The following TTYH1 variants were observed in gnomAD, a reference collection of about 807,000 sequenced individuals.
The protein encoded by TTYH1 is protein tweety homolog 1.
Under a neutral mutation model 61.2 loss-of-function variants are expected in TTYH1, and 33 were observed. That is an observed-to-expected ratio of 0.54 (90% CI 0.41 to 0.72). The LOEUF is 0.72. Among genes scored for constraint, TTYH1 ranks in the 30% least tolerant of loss-of-function variants. The probability of loss-of-function intolerance (pLI) is 0.00; values close to 1 mark genes in which losing one functional copy is unlikely to be tolerated. For missense variants in TTYH1, 538 were observed against 575.8 expected (o/e 0.93, Z 0.67); for synonymous variants, 308 against 266.4 (o/e 1.16, Z -1.52).
intron 10 of TTYH1, chr19:54,431,877 T>G (rs1174111149): frequency 6.6e-6 from 1 of 152,038 alleles, no homozygotes; most frequent in Non-Finnish European, 1.5e-5. Flanking sequence ...TGTTTGTTTT[T>G]TTTTCACTGG....
chr19:54,426,020 A>G (rs987568716), intron 4 of TTYH1, among the ~76,000 whole-genome samples: 28 of 152,082 alleles, frequency 1.8e-4, no homozygotes, highest in African/African-American at 6.5e-4. Context: ...CCGGCCAAGT[A>G]TTAACTATTA....
In TTYH1 at chr19:54,426,731, C is replaced by T. The variant is rs2083326416; in HGVS notation, c.697C>T (p.Leu233=). Residue 233 remains leucine (L), a synonymous_variant, in exon 5 of 14, where the codon CTG becomes TTG. Coordinates refer to ENST00000376530, the MANE Select transcript of TTYH1 (RefSeq NM_020659.4). ...LELLVCLFTL[L]GLAKQSKWLV... ...GCTGCTGGTCTGCCTCTTCACCCTC[C>T]TGGGCCTGGCGAAGCAGAGCAAGTG... The T allele has an allele frequency of 6.2e-7, 1 of 1,614,060 alleles. No homozygotes were observed. The highest frequency in any genetic ancestry group is 1.3e-5 in the African/African-American group (1 of 75,042).
intron 5 of TTYH1, among the ~76,000 whole-genome samples, chr19:54,428,082 T>G (rs979960838): frequency 1.4e-4 from 17 of 125,272 alleles, no homozygotes; most frequent in South Asian, 6.3e-4. Context: ...CGGCTAAGTT[T>G]TTTTTTTTTT....
intron 10 of TTYH1, 57 bp from the exon 11 acceptor site, chr19:54,435,485 T>C: frequency 6.5e-7 from 1 of 1,539,874 alleles, no homozygotes; most frequent in African/African-American, 1.4e-5. Flanking sequence ...ATGTGCACAG[T>C]GTGTGCCGAT....
chr19:54,430,938 C>A (rs914712410), intron 9 of TTYH1, 33 bp downstream of exon 9: 8 of 1,602,934 alleles, frequency 5.0e-6, no homozygotes, highest in Non-Finnish European at 6.0e-6. Context: ...GACACGCGGA[C>A]CCCACGGGGA....
In TTYH1 at chr19:54,419,046, A is replaced by AC; in HGVS notation, c.127-76dup. On this transcript the variant is annotated intron_variant, in intron 1 of 13. Transcript: ENST00000376530. The surrounding 1 kb of genome is among the most constrained non-coding windows in gnomAD (Gnocchi z 6.1). ...CTTCACTCTGACATCCCAGACCCCGACCCCCCAGCCACGCAGGAAGGGGGA... is the reference window on the plus strand; with the variant it reads ...CTTCACTCTGACATCCCAGACCCCGACCCCCCCAGCCACGCAGGAAGGGGGA... The AC allele has an allele frequency of 3.5e-6, 5 of 1,411,872 alleles. No homozygotes were observed. The highest frequency in any genetic ancestry group is 3.9e-6 in the Non-Finnish European group (4 of 1,037,680). 87.5% of individuals were successfully genotyped at this position (1,411,872 alleles called of 1,614,324 possible). A position where few individuals can be genotyped will look rare whatever the true frequency, so the allele number is the denominator to read the frequency against.
Position 54,419,367 on chromosome 19 carries a change from C to T in TTYH1, c.305+61C>T. The T allele has an allele frequency of 6.6e-7, 1 of 1,519,576 alleles. No homozygotes were observed. Among genetic ancestry groups the T allele is most frequent in the Middle Eastern group, 1.9e-4 (1 of 5,152 alleles). The allele number at this position is 1,519,576 out of a possible 1,614,324, so 94.1% of individuals were successfully genotyped here. A position where few individuals can be genotyped will look rare whatever the true frequency, so the allele number is the denominator to read the frequency against. On this transcript the variant is annotated intron_variant, in intron 2 of 13. Coordinates refer to ENST00000376530, the MANE Select transcript of TTYH1 (RefSeq NM_020659.4). This position sits in a 1 kb window ranked among gnomAD's most constrained non-coding sequence, Gnocchi z 6.1. ...AGGGCTCCCCAAGCTCTTTGCTGGC[C>T]TTCCTGGGGGTGTCCTCCGGGGACA...
rs1166816934 is a variant in TTYH1 at position 54,420,005 on chromosome 19, G to A, written c.305+699G>A. On this transcript the variant is annotated intron_variant, in intron 2 of 13. Coordinates refer to ENST00000376530, the MANE Select transcript of TTYH1 (RefSeq NM_020659.4). The surrounding 1 kb of genome is among the most constrained non-coding windows in gnomAD (Gnocchi z 4.8). Reference sequence around the variant, plus strand: ...GGGTGTCAGGCCCAGTTTCCAAAGAGGAAGGCTCAGGGACAGAGGGGAGGT... The same window carrying A: ...GGGTGTCAGGCCCAGTTTCCAAAGAAGAAGGCTCAGGGACAGAGGGGAGGT... 6.6e-6 allele frequency among the ~76,000 whole-genome samples: 1 copy of A among 152,136 alleles called. No homozygotes were observed. Among genetic ancestry groups the A allele is most frequent in the Non-Finnish European group, 1.5e-5 (1 of 68,036 alleles).
In TTYH1 at chr19:54,416,015, G is replaced by C. The variant is rs2083071067; in HGVS notation, c.126+337G>C. 1 of 1,334,180 alleles carries C rather than the reference G, an allele frequency of 7.5e-7. No homozygotes were observed. Among genetic ancestry groups the C allele is most frequent in the Non-Finnish European group, 9.9e-7 (1 of 1,008,568 alleles). The allele number at this position is 1,334,180 out of a possible 1,614,324, so 82.6% of individuals were successfully genotyped here. On this transcript the variant is annotated intron_variant, in intron 1 of 13. Transcript: ENST00000376530. The surrounding 1 kb of genome is among the most constrained non-coding windows in gnomAD (Gnocchi z 7.0). ...GGCCTCCAGGGTCATCGGGAGGGTA[G>C]GTCTACTCTTCCTGCCCTAAAAGAT...
intron 5 of TTYH1, among the ~76,000 whole-genome samples, chr19:54,427,458 G>A (rs984837222): frequency 1.3e-5 from 2 of 151,336 alleles, no homozygotes; most frequent in Admixed American, 1.3e-4. Context: ...ACAAAAATTA[G>A]CCGGGCGTGG....
intron 5 of TTYH1, among the ~76,000 whole-genome samples, chr19:54,427,736 T>G (rs571948091): frequency 6.6e-6 from 1 of 152,130 alleles, no homozygotes; most frequent in South Asian, 2.1e-4. Context: ...GTCAGGGACC[T>G]GACTAAGAGC....
At chr19:54,425,850 G>A (rs2083310886) in intron 4 of TTYH1, among the ~76,000 whole-genome samples, 1 of 152,044 alleles carries the variant, frequency 6.6e-6, no homozygotes, top group Admixed American at 6.6e-5. Flanking sequence ...CAAGTAGCTG[G>A]GATTACAGGC....
chr19:54,436,512 CA>C lies in TTYH1; in HGVS notation c.*223del. The C allele has an allele frequency of 1.1e-6, 1 of 913,548 alleles. No homozygotes were observed. Among genetic ancestry groups the C allele is most frequent in the Non-Finnish European group, 1.7e-6 (1 of 582,626 alleles). The allele number at this position is 913,548 out of a possible 1,614,324, so 56.6% of individuals were successfully genotyped here. On this transcript the variant is annotated 3_prime_UTR_variant, in exon 14 of 14. Coordinates refer to ENST00000376530, the MANE Select transcript of TTYH1 (RefSeq NM_020659.4). This position sits in a 1 kb window ranked among gnomAD's most constrained non-coding sequence, Gnocchi z 4.3. ...GGGGCAGACTAGGGAGTAGGGCTGG[CA>C]GGGGAGGGGGCAGACAGCCTCGCCT...
At chr19:54,428,381 G>C (rs1569262685) in intron 5 of TTYH1, among the ~76,000 whole-genome samples, 1 of 151,918 alleles carries the variant, frequency 6.6e-6, no homozygotes, top group Non-Finnish European at 1.5e-5. Context: ...GAGCCACCGT[G>C]CCTGGCCTAA....
At chr19:54,425,555 C>G (rs1034757754) in intron 4 of TTYH1, among the ~76,000 whole-genome samples, 1 of 152,116 alleles carries the variant, frequency 6.6e-6, no homozygotes, top group African/African-American at 2.4e-5. Context: ...AAATTGCATG[C>G]CCCGTGTTTA....
At chr19:54,427,298 CAAAAAA>C (rs752663363) in intron 5 of TTYH1, among the ~76,000 whole-genome samples, 4 of 15,384 alleles carry the variant, frequency 2.6e-4, no homozygotes, top group South Asian at 4.7e-3. Context: ...CACTCCATCT[CAAAAAA>C]AAAAAAAAAA....
At chr19:54,424,676 G>A (rs1251199206) in intron 4 of TTYH1, among the ~76,000 whole-genome samples, 2 of 152,158 alleles carry the variant, frequency 1.3e-5, no homozygotes, top group Non-Finnish European at 2.9e-5. Flanking sequence ...AATATCTTCC[G>A]GGTGCACCAC....
Position 54,420,938 on chromosome 19 carries a change from T to C in TTYH1, c.306-339T>C, listed in dbSNP as rs369816719. 4.3e-4 allele frequency: 176 copies of C among 405,762 alleles called. No individual in the cohort carries two copies. The East Asian group carries it at 8.5e-3, about 19-fold the overall frequency. 25.1% of individuals were successfully genotyped at this position (405,762 alleles called of 1,614,324 possible). On this transcript the variant is annotated intron_variant, in intron 2 of 13. Transcript: ENST00000376530. This position sits in a 1 kb window ranked among gnomAD's most constrained non-coding sequence, Gnocchi z 4.8. ...GGGAAGGGTGTGGGGCAGGCAGTCCTAGGGAGGGGAAGACGGCCCATCCCG... is the reference window on the plus strand; with the variant it reads ...GGGAAGGGTGTGGGGCAGGCAGTCCCAGGGAGGGGAAGACGGCCCATCCCG...
rs1428492590 is a variant in TTYH1 at position 54,420,091 on chromosome 19, A to AC, written c.305+790dup. On this transcript the variant is annotated intron_variant, in intron 2 of 13. Transcript: ENST00000376530. This position sits in a 1 kb window ranked among gnomAD's most constrained non-coding sequence, Gnocchi z 4.8. ...AGAGATTCAGACCCAGGTTAGTAGG[A>AC]CCCCCTCACACCCCTCAAAGCGAGC... 6.6e-6 allele frequency among the ~76,000 whole-genome samples: 1 copy of AC among 151,776 alleles called. No homozygotes were observed. The highest frequency in any genetic ancestry group is 6.6e-5 in the Admixed American group (1 of 15,224).
Sources: gnomAD v4.1 joint callset for allele counts (sites outside exome capture counted in the v4.1 genomes callset) on GRCh38, gnomAD v4.1.1 for gene constraint, Gnocchi (gnomAD v3.1) non-coding constraint, MANE v1.5 for transcripts, NCBI Gene and HGNC (gene_info 2026-07-23, HGNC 2026-07-21) for gene names.